The following PTAR1 variants were observed in gnomAD, a reference collection of about 807,000 sequenced individuals.
The protein encoded by PTAR1 is protein prenyltransferase alpha subunit repeat-containing protein 1.
PTAR1 carries 17 observed loss-of-function variants against 45.5 expected under a neutral mutation model. The observed-to-expected ratio is 0.37, with a 90% confidence interval of 0.26 to 0.56. The LOEUF (loss-of-function observed/expected upper bound fraction) is 0.56, where lower values mean the gene tolerates loss of function less well. Ranked by LOEUF, PTAR1 falls within the 20% of genes least tolerant of loss-of-function variation. PTAR1 has a pLI of 0.77. For missense variants in PTAR1, 391 were observed against 476.3 expected, an observed-to-expected ratio of 0.82 and a Z score of 1.67; for synonymous variants, 169 against 171.3, an observed-to-expected ratio of 0.99 and a Z score of 0.11.
Position 69,717,449 on chromosome 9 carries a change from T to C in PTAR1, c.*893A>G, listed in dbSNP as rs1391056613. 6.6e-6 allele frequency: 1 copy of C among 152,172 alleles called. No homozygotes were observed. Among genetic ancestry groups the C allele is most frequent in the Non-Finnish European group, 1.5e-5 (1 of 68,030 alleles). The allele number at this position is 152,172 out of a possible 1,614,324, so 9.4% of individuals were successfully genotyped here. On this transcript the variant is annotated 3_prime_UTR_variant, in exon 8 of 8. Coordinates refer to ENST00000340434, the MANE Select transcript of PTAR1 (RefSeq NM_001099666.2). ...CTATCAAAACTAGCAATAAAAATAA[T>C]TTTCCTTTACTGCAATTACATAAAC...
chr9:69,748,324 A>C (rs1826368058), intron 2 of PTAR1, among the ~76,000 whole-genome samples: 1 of 152,012 alleles, frequency 6.6e-6, no homozygotes, highest in African/African-American at 2.4e-5. Flanking sequence ...CCTGCTTCTT[A>C]TATCTGTTAT....
rs1824534740 is a variant in PTAR1 at position 69,711,802 on chromosome 9, A to C, written c.*6540T>G. ...TATTACGTTACTAACTCCAGCTTAA[A>C]TAAGCCTCATAAATCATGTCAAATG... On this transcript the variant is annotated 3_prime_UTR_variant, in exon 8 of 8. Transcript: ENST00000340434. The C allele has an allele frequency of 6.6e-6, 1 of 152,176 alleles. No homozygotes were observed. Among genetic ancestry groups the C allele is most frequent in the South Asian group, 2.1e-4 (1 of 4,834 alleles). 9.4% of individuals were successfully genotyped at this position (152,176 alleles called of 1,614,324 possible). A position where few individuals can be genotyped will look rare whatever the true frequency, so the allele number is the denominator to read the frequency against.
chr9:69,728,873 AAT>A (rs1240671102), intron 5 of PTAR1, among the ~76,000 whole-genome samples: 5 of 152,204 alleles, frequency 3.3e-5, no homozygotes, highest in Admixed American at 3.3e-4. Flanking sequence ...CTAGAAAACA[AAT>A]ATATGCTTTT....
intron 5 of PTAR1, among the ~76,000 whole-genome samples, 175 bp from the exon 6 acceptor site, chr9:69,723,805 G>A (rs750970752): frequency 3.3e-5 from 5 of 151,980 alleles, no homozygotes; most frequent in East Asian, 1.9e-4. Flanking sequence ...TAATACATGC[G>A]AATTTTCTCT....
rs1387985175 is a variant in PTAR1, at chr9:69,716,773, T to C, written c.*1569A>G. 1 of 152,142 alleles carries C rather than the reference T, an allele frequency of 6.6e-6. No individual in the cohort carries two copies. Among genetic ancestry groups the C allele is most frequent in the East Asian group, 1.9e-4 (1 of 5,188 alleles). 9.4% of individuals were successfully genotyped at this position (152,142 alleles called of 1,614,324 possible). ...CAGCTTCCATCATTAGGGAAACTTT[T>C]AGAAGGGCCACTCTTCATATTTCTG... On this transcript the variant is annotated 3_prime_UTR_variant, in exon 8 of 8. Coordinates refer to ENST00000340434, the MANE Select transcript of PTAR1 (RefSeq NM_001099666.2).
rs967877655 is a variant in PTAR1 at position 69,718,031 on chromosome 9, T to G, written c.*311A>C. On this transcript the variant is annotated 3_prime_UTR_variant, in exon 8 of 8. Coordinates refer to ENST00000340434, the MANE Select transcript of PTAR1 (RefSeq NM_001099666.2). ...GCAATTGGACTGAGGGGGGTAGAGG[T>G]GTGTGTGTGTGAACCAATCAGGAAA... is the stretch of plus-strand genomic sequence containing the variant. The G allele has an allele frequency of 5.1e-5, 11 of 217,014 alleles. No homozygotes were observed. Among genetic ancestry groups the G allele is most frequent in the African/African-American group, 2.5e-4 (11 of 43,704 alleles). 13.4% of individuals were successfully genotyped at this position (217,014 alleles called of 1,614,324 possible).
chr9:69,738,894 G>A (rs1407398950), intron 3 of PTAR1, among the ~76,000 whole-genome samples: 6 of 147,698 alleles, frequency 4.1e-5, no homozygotes, highest in East Asian at 2.0e-4. Flanking sequence ...TGCAACCTCC[G>A]CCTCCCAGGT....
rs1824548445 is a variant in PTAR1 at position 69,712,173 on chromosome 9, A to G, written c.*6169T>C. 6.6e-6 allele frequency: 1 copy of G among 152,172 alleles called. No individual in the cohort carries two copies. The highest frequency in any genetic ancestry group is 1.5e-5 in the Non-Finnish European group (1 of 68,014). The allele number at this position is 152,172 out of a possible 1,614,324, so 9.4% of individuals were successfully genotyped here. On this transcript the variant is annotated 3_prime_UTR_variant, in exon 8 of 8. Coordinates refer to ENST00000340434, the MANE Select transcript of PTAR1 (RefSeq NM_001099666.2). ...ATAAGCAATCTAAAGTATGCTGCAT[A>G]GTACCTTGAGGAAAGTGACTGCTAT...
At chr9:69,736,045 A>G (rs1226752895) in intron 3 of PTAR1, among the ~76,000 whole-genome samples, 1 of 151,968 alleles carries the variant, frequency 6.6e-6, no homozygotes, top group African/African-American at 2.4e-5. Flanking sequence ...TTTTGTTCAT[A>G]CAGTAAGTCA....
chr9:69,742,158 T>C (rs1826070489), intron 2 of PTAR1, among the ~76,000 whole-genome samples: 1 of 152,130 alleles, frequency 6.6e-6, no homozygotes, highest in African/African-American at 2.4e-5. Context: ...TAATTTAATA[T>C]TTACCGAGGA....
intron 3 of PTAR1, among the ~76,000 whole-genome samples, chr9:69,735,961 A>T (rs1379277501): frequency 6.7e-6 from 1 of 149,496 alleles, no homozygotes; most frequent in Non-Finnish European, 1.5e-5. Flanking sequence ...ATATATATAA[A>T]ATATATATTT....
intron 3 of PTAR1, among the ~76,000 whole-genome samples, chr9:69,734,772 A>G (rs1393185417): frequency 6.6e-6 from 1 of 152,126 alleles, no homozygotes; most frequent in Non-Finnish European, 1.5e-5. Flanking sequence ...CCAAATTACT[A>G]TTTTTTATTT....
chr9:69,736,608 C>T (rs1381706076), intron 3 of PTAR1, among the ~76,000 whole-genome samples: 2 of 152,112 alleles, frequency 1.3e-5, no homozygotes, highest in African/African-American at 4.8e-5. Flanking sequence ...ATTTCCATTT[C>T]ATAAATTTAA....
In PTAR1 at chr9:69,718,300, A is replaced by G. The variant is rs1315136588; in HGVS notation, c.*42T>C. The G allele has an allele frequency of 3.7e-6, 5 of 1,366,196 alleles. No homozygotes were observed. The highest frequency in any genetic ancestry group is 1.0e-6 in the Non-Finnish European group (1 of 993,468). 84.6% of individuals were successfully genotyped at this position (1,366,196 alleles called of 1,614,324 possible). The stretch of plus-strand genomic sequence containing the variant: ...TATGTAAATAATAAAAGAAAGCAAT[A>G]TTGCACTAAAAGGGGAACCTTGTAG... On this transcript the variant is annotated 3_prime_UTR_variant, in exon 8 of 8. Transcript: ENST00000340434.
rs528027809 is a variant in PTAR1, at chr9:69,718,332, T to C, written c.*10A>G. 9 of 1,580,338 alleles carry C rather than the reference T, an allele frequency of 5.7e-6. No homozygotes were observed. In the Admixed American group the frequency reaches 1.1e-4, roughly 19 times the overall value. The stretch of plus-strand genomic sequence containing the variant: ...TAAAAGGGGAACCTTGTAGGACTAA[T>C]TCACCTCTTTCATTGACTCAAAGTA... On this transcript the variant is annotated 3_prime_UTR_variant, in exon 8 of 8. Coordinates refer to ENST00000340434, the MANE Select transcript of PTAR1 (RefSeq NM_001099666.2).
At chr9:69,722,925 G>A (rs1825088300) in intron 6 of PTAR1, among the ~76,000 whole-genome samples, 1 of 110,520 alleles carries the variant, frequency 9.0e-6, no homozygotes. Flanking sequence ...GGCAAGAAGA[G>A]CAAAACTCTA....
chr9:69,724,140 C>T (rs1312696397), intron 5 of PTAR1, among the ~76,000 whole-genome samples: 1 of 152,160 alleles, frequency 6.6e-6, no homozygotes, highest in African/African-American at 2.4e-5. Flanking sequence ...GAGACCGTGT[C>T]TGTCTTGCTC....
rs1824620196 is a variant in PTAR1, at chr9:69,713,872, A to T, written c.*4470T>A. ...ATATCAGTCTCTCACTGAAGGATAA[A>T]ATACCCTACGGGGCCATGCCTAGCG... is the stretch of plus-strand genomic sequence containing the variant. On this transcript the variant is annotated 3_prime_UTR_variant, in exon 8 of 8. Coordinates refer to ENST00000340434, the MANE Select transcript of PTAR1 (RefSeq NM_001099666.2). 1 of 152,138 alleles carries T rather than the reference A, an allele frequency of 6.6e-6. No homozygotes were observed. Among genetic ancestry groups the T allele is most frequent in the South Asian group, 2.1e-4 (1 of 4,836 alleles). 9.4% of individuals were successfully genotyped at this position (152,138 alleles called of 1,614,324 possible).
intron 1 of PTAR1, among the ~76,000 whole-genome samples, chr9:69,753,464 C>G (rs996687472): frequency 6.6e-6 from 1 of 152,078 alleles, no homozygotes; most frequent in Non-Finnish European, 1.5e-5. Flanking sequence ...ATAAAGTATA[C>G]TGAAAACAGC....
Sources: gnomAD v4.1 joint callset for allele counts (sites outside exome capture counted in the v4.1 genomes callset) on GRCh38, gnomAD v4.1.1 for gene constraint, MANE v1.5 for transcripts, NCBI Gene and HGNC (gene_info 2026-07-23, HGNC 2026-07-21) for gene names.